DSCAM: variants seen among roughly 807,000 people sequenced by gnomAD.
DSCAM encodes cell adhesion molecule DSCAM.
Under a neutral mutation model 217.7 loss-of-function variants are expected in DSCAM, and 47 were observed. The observed-to-expected ratio is 0.22, with a 90% CI of 0.17 to 0.28. The LOEUF (loss-of-function observed/expected upper bound fraction) is 0.28. Ranked by LOEUF, DSCAM falls within the 10% of genes least tolerant of loss-of-function variation. The probability of loss-of-function intolerance (pLI) is 1.00; values close to 1 mark genes in which losing one functional copy is unlikely to be tolerated. For synonymous variants in DSCAM, 1,056 were observed against 1,015.3 expected (o/e 1.04, Z -0.76); for missense variants, 2,080 against 2,618.3 (o/e 0.79, Z 4.49).
intron 11 of DSCAM, among the ~76,000 whole-genome samples, chr21:40,263,531 G>C (rs576694341): frequency 6.6e-6 from 1 of 152,206 alleles, no homozygotes; most frequent in East Asian, 1.9e-4. Flanking sequence ...TGTGACACAA[G>C]TTATCAAAAT....
rs530305341 is a variant in DSCAM, at chr21:40,132,250, T to C, written c.3562+1604A>G. Among the ~76,000 whole-genome samples, 6 of 152,358 alleles carry C rather than the reference T, an allele frequency of 3.9e-5. No individual in the cohort carries two copies. In the East Asian group the frequency reaches 7.7e-4, roughly 20 times the overall value. On this transcript the variant is annotated intron_variant, in intron 19 of 32. Coordinates refer to ENST00000400454, the MANE Select transcript of DSCAM (RefSeq NM_001389.5). ...CACTTCAGCTCTCATACACTGGTTC[T>C]GTGCAGTCTGATGGCTACAGCAGAT... is the stretch of plus-strand genomic sequence containing the variant.
intron 1 of DSCAM, among the ~76,000 whole-genome samples, chr21:40,790,180 CTT>C (rs771986567): frequency 1.2e-4 from 15 of 125,366 alleles, no homozygotes; most frequent in Admixed American, 1.7e-4. Context: ...TTCTTTCTTT[CTT>C]TTTTTTTTTT....
At chr21:40,481,847 C>A (rs1282773302) in intron 3 of DSCAM, among the ~76,000 whole-genome samples, 3 of 152,166 alleles carry the variant, frequency 2.0e-5, no homozygotes, top group Non-Finnish European at 4.4e-5. Context: ...AGACAGGACC[C>A]GTGTCACAGT....
intron 21 of DSCAM, among the ~76,000 whole-genome samples, chr21:40,087,517 A>T (rs1601317062): frequency 6.6e-6 from 1 of 152,234 alleles, no homozygotes; most frequent in South Asian, 2.1e-4. Context: ...TTGACTAAAC[A>T]TGAGGAGTCC....
chr21:40,246,951 A>G lies in DSCAM; in HGVS notation c.2356+29146T>C, dbSNP rs543487699. Among the ~76,000 whole-genome samples the G allele has an allele frequency of 5.9e-5, 9 of 152,262 alleles. No homozygotes were observed. The East Asian group carries it at 7.7e-4, about 13-fold the overall frequency. On this transcript the variant is annotated intron_variant, in intron 11 of 32. Coordinates refer to ENST00000400454, the MANE Select transcript of DSCAM (RefSeq NM_001389.5). Reference sequence around the variant, plus strand: ...GGTTGAATTGGATTTATAGCTCCATATGGCTGGGGAGGTCTCAGCATCATG... The same window carrying G: ...GGTTGAATTGGATTTATAGCTCCATGTGGCTGGGGAGGTCTCAGCATCATG...
chr21:40,325,445 T>C (rs1051368093), intron 8 of DSCAM, among the ~76,000 whole-genome samples: 6 of 152,248 alleles, frequency 3.9e-5, no homozygotes, highest in African/African-American at 4.8e-5. Context: ...AAAATAGGAA[T>C]GCATCTTCAT....
chr21:40,623,813 G>A (rs372052114), intron 3 of DSCAM, among the ~76,000 whole-genome samples: 1 of 152,172 alleles, frequency 6.6e-6, no homozygotes, highest in African/African-American at 2.4e-5. Context: ...ACGGATAGTG[G>A]TGTTTTTGTT....
At chr21:40,290,128 C>G (rs964425719) in intron 10 of DSCAM, among the ~76,000 whole-genome samples, 2 of 152,076 alleles carry the variant, frequency 1.3e-5, no homozygotes, top group African/African-American at 2.4e-5. Flanking sequence ...ATGACAGCTA[C>G]AGAGACTAGG....
intron 3 of DSCAM, among the ~76,000 whole-genome samples, chr21:40,692,226 A>G (rs2090546172): frequency 6.6e-6 from 1 of 152,252 alleles, no homozygotes; most frequent in Non-Finnish European, 1.5e-5. Context: ...CACCATTAGA[A>G]ATGAAGAACT....
chr21:40,146,353 A>G (rs2837455), intron 16 of DSCAM, among the ~76,000 whole-genome samples: 71,280 of 151,034 alleles, frequency 0.47, 19,472 homozygotes, highest in South Asian at 0.63. Context: ...GCCCAGCGGT[A>G]AGTCAGGAGG....
At chr21:40,799,434 T>C (rs531447060) in intron 1 of DSCAM, among the ~76,000 whole-genome samples, 1 of 152,340 alleles carries the variant, frequency 6.6e-6, no homozygotes, top group Admixed American at 6.5e-5. Flanking sequence ...CAGTATTAGA[T>C]TCTTATTGCC....
chr21:40,727,680 T>C (rs948105930), intron 1 of DSCAM, among the ~76,000 whole-genome samples: 9 of 152,258 alleles, frequency 5.9e-5, no homozygotes, highest in South Asian at 2.1e-4. Context: ...TCTCTGCTTC[T>C]ACCCTGGTCC....
intron 1 of DSCAM, among the ~76,000 whole-genome samples, chr21:40,757,766 G>A (rs2091290417): frequency 6.6e-6 from 1 of 152,162 alleles, no homozygotes; most frequent in South Asian, 2.1e-4. Flanking sequence ...AATCATAAAT[G>A]TTTGCCACTT....
rs578167217 is a variant in DSCAM at position 40,249,951 on chromosome 21, A to G, written c.2356+26146T>C. 2.2e-4 allele frequency among the ~76,000 whole-genome samples: 33 copies of G among 152,332 alleles called. No homozygotes were observed. In the South Asian group the frequency reaches 2.9e-3, roughly 13 times the overall value. On this transcript the variant is annotated intron_variant, in intron 11 of 32. Coordinates refer to ENST00000400454, the MANE Select transcript of DSCAM (RefSeq NM_001389.5). Reference sequence around the variant, plus strand: ...CTATTCCAAGTGGAAGGAAACCCTAAGCTGACACACATCTGAGACCTGGGT... The same window carrying G: ...CTATTCCAAGTGGAAGGAAACCCTAGGCTGACACACATCTGAGACCTGGGT...
intron 10 of DSCAM, among the ~76,000 whole-genome samples, chr21:40,286,997 C>T (rs917383503): frequency 7.6e-6 from 1 of 131,970 alleles, no homozygotes; most frequent in Admixed American, 7.7e-5. Context: ...ACAGTGTGAT[C>T]TGCAGTATGA....
chr21:40,826,866 T>C (rs1431725208), intron 1 of DSCAM, among the ~76,000 whole-genome samples: 1 of 152,230 alleles, frequency 6.6e-6, no homozygotes, highest in Admixed American at 6.5e-5. Context: ...TTTCAGGATC[T>C]GGATTTGAGC....
intron 11 of DSCAM, among the ~76,000 whole-genome samples, chr21:40,242,646 T>G (rs1464263081): frequency 1.3e-5 from 2 of 152,146 alleles, no homozygotes; most frequent in African/African-American, 4.8e-5. Context: ...CTGGAAGCCT[T>G]GTTATGATGG....
intron 3 of DSCAM, among the ~76,000 whole-genome samples, chr21:40,386,543 G>A (rs550073996): frequency 6.6e-6 from 1 of 152,340 alleles, no homozygotes; most frequent in East Asian, 1.9e-4. Context: ...AGAGCTCCAC[G>A]GCACGCGTGG....
intron 20 of DSCAM, among the ~76,000 whole-genome samples, chr21:40,115,061 TG>T (rs1665177818): frequency 1.3e-5 from 2 of 152,198 alleles, no homozygotes; most frequent in Admixed American, 6.5e-5. Context: ...ATCCTATTAC[TG>T]GGTATATACC....
Sources: allele counts gnomAD v4.1 joint callset (sites outside exome capture counted in the v4.1 genomes callset), GRCh38; gene constraint gnomAD v4.1.1; transcripts MANE v1.5; gene names NCBI Gene and HGNC (gene_info 2026-07-23, HGNC 2026-07-21).